The following ROBO1 variants were observed in gnomAD, a reference collection of about 807,000 sequenced individuals.
ROBO1 encodes the protein roundabout guidance receptor 1, also known as roundabout homolog 1.
ROBO1 carries 149 observed loss-of-function variants against 195.9 expected under a neutral mutation model. That is an observed-to-expected ratio of 0.76 (90% CI 0.67 to 0.87). The LOEUF is 0.87. Among genes scored for constraint, ROBO1 ranks in the 40% least tolerant of loss-of-function variants. The pLI is 0.00. For synonymous variants in ROBO1, 816 were observed against 733.2 expected (o/e 1.11, Z -1.82); for missense variants, 1,933 against 2,068.3 (o/e 0.93, Z 1.27).
chr3:78,600,336 G>C (rs142155138), intron 29 of ROBO1, 27 bp from the exon 30 acceptor site: 1 of 1,417,408 alleles, frequency 7.1e-7, no homozygotes, highest in African/African-American at 1.4e-5. Flanking sequence ...AATAAATGCA[G>C]GTGAGTACCA....
chr3:78,696,959 T>C (rs7622194), intron 8 of ROBO1, among the ~76,000 whole-genome samples: 38,419 of 151,500 alleles, frequency 0.25, 5,050 homozygotes, highest in African/African-American at 0.32. Context: ...GAAATCTTTA[T>C]ATGTTGAACG....
At chr3:79,493,644 T>C (rs200213374) in intron 2 of ROBO1, among the ~76,000 whole-genome samples, 218 of 152,124 alleles carry the variant, frequency 1.4e-3, no homozygotes, top group African/African-American at 5.1e-3. Context: ...TGATAAATAA[T>C]TTAAAAAATC....
intron 4 of ROBO1, among the ~76,000 whole-genome samples, chr3:78,783,765 A>G (rs566399217): frequency 1.3e-5 from 2 of 152,240 alleles, no homozygotes; most frequent in East Asian, 3.9e-4. Context: ...CACATCTCCC[A>G]AGGTTGCTTT....
intron 2 of ROBO1, among the ~76,000 whole-genome samples, chr3:79,432,218 G>C (rs964008565): frequency 6.6e-6 from 1 of 152,040 alleles, no homozygotes; most frequent in African/African-American, 2.4e-5. Flanking sequence ...ATCTCTTAGA[G>C]TGTCAAGACA....
chr3:79,149,991 T>A (rs1268252732), intron 2 of ROBO1, among the ~76,000 whole-genome samples: 1 of 151,620 alleles, frequency 6.6e-6, no homozygotes, highest in Non-Finnish European at 1.5e-5. Flanking sequence ...CTCCTGGAGG[T>A]AAAAATCATA....
intron 3 of ROBO1, among the ~76,000 whole-genome samples, chr3:79,110,624 T>C (rs2079868691): frequency 6.8e-6 from 1 of 148,064 alleles, no homozygotes; most frequent in Admixed American, 6.8e-5. Flanking sequence ...GAAATAACTT[T>C]TTTTTTTTTT....
intron 2 of ROBO1, among the ~76,000 whole-genome samples, chr3:79,303,851 G>A (rs1444240710): frequency 6.6e-6 from 1 of 151,986 alleles, no homozygotes; most frequent in Non-Finnish European, 1.5e-5. Flanking sequence ...GTGAGATCAT[G>A]CAGTACTTGT....
rs1289785256 is a variant in ROBO1 at position 78,597,843 on chromosome 3, C to CA, written c.*1069dup. 1 of 143,658 alleles carries CA rather than the reference C, an allele frequency of 7.0e-6. No homozygotes were observed. The highest frequency in any genetic ancestry group is 1.5e-5 in the Non-Finnish European group (1 of 66,448). 8.9% of individuals were successfully genotyped at this position (143,658 alleles called of 1,614,324 possible). A position where few individuals can be genotyped will look rare whatever the true frequency, so the allele number is the denominator to read the frequency against. ...TCCAAATACAAACATAGAGCATTAA[C>CA]AAAACAGGTTAAAAACGCTTCTCAA... On this transcript the variant is annotated 3_prime_UTR_variant, in exon 31 of 31. Transcript: ENST00000464233.
chr3:79,357,504 TA>T (rs2035604555), intron 2 of ROBO1, among the ~76,000 whole-genome samples: 1 of 152,140 alleles, frequency 6.6e-6, no homozygotes, highest in Non-Finnish European at 1.5e-5. Context: ...AATTTAGTTA[TA>T]ATTTCTACAA....
chr3:79,684,983 T>C (rs778688207), intron 1 of ROBO1, among the ~76,000 whole-genome samples: 2 of 152,114 alleles, frequency 1.3e-5, no homozygotes, highest in Non-Finnish European at 2.9e-5. Context: ...TAGTATAATG[T>C]GGCAACTCTG....
intron 3 of ROBO1, among the ~76,000 whole-genome samples, chr3:79,049,641 C>T (rs1242770887): frequency 6.6e-6 from 1 of 152,024 alleles, no homozygotes; most frequent in Non-Finnish European, 1.5e-5. Context: ...TTAAGGGCAG[C>T]CAGAGAGAAG....
At chr3:79,202,953 C>T (rs2081796111) in intron 2 of ROBO1, among the ~76,000 whole-genome samples, 1 of 152,104 alleles carries the variant, frequency 6.6e-6, no homozygotes, top group Non-Finnish European at 1.5e-5. Context: ...GTCCTCTACC[C>T]TCTCATCCAG....
chr3:79,157,772 A>C (rs1370184167), intron 2 of ROBO1, among the ~76,000 whole-genome samples: 2 of 151,944 alleles, frequency 1.3e-5, no homozygotes, highest in Non-Finnish European at 2.9e-5. Context: ...CTAGGTAACC[A>C]CAGATATATT....
chr3:79,366,585 T>G (rs1490286669), intron 2 of ROBO1, among the ~76,000 whole-genome samples: 1 of 152,144 alleles, frequency 6.6e-6, no homozygotes, highest in Non-Finnish European at 1.5e-5. Context: ...ATCGCCTCTC[T>G]TTTCTTGGCT....
chr3:78,922,605 CTTTTTTTT>C (rs565147879), intron 4 of ROBO1, among the ~76,000 whole-genome samples: 1 of 123,146 alleles, frequency 8.1e-6, no homozygotes, highest in African/African-American at 3.1e-5. Context: ...TCTTCTTCTT[CTTTTTTTT>C]TTTTTTTTTT....
At chr3:78,608,886 AAC>A (rs1373585122) in intron 28 of ROBO1, among the ~76,000 whole-genome samples, 1 of 152,182 alleles carries the variant, frequency 6.6e-6, no homozygotes, top group African/African-American at 2.4e-5. Flanking sequence ...TACAGAATGC[AAC>A]AAAAGGGAGA....
chr3:79,107,460 T>G (rs891369404), intron 3 of ROBO1, among the ~76,000 whole-genome samples: 3 of 151,710 alleles, frequency 2.0e-5, no homozygotes, highest in Non-Finnish European at 4.4e-5. Flanking sequence ...AATTACTTTT[T>G]GTATGTTGTT....
intron 3 of ROBO1, among the ~76,000 whole-genome samples, chr3:79,067,523 AG>A (rs1284514008): frequency 2.0e-5 from 3 of 152,104 alleles, no homozygotes; most frequent in African/African-American, 7.2e-5. Flanking sequence ...GACTTAGGGC[AG>A]CTTATTCAAC....
intron 8 of ROBO1, among the ~76,000 whole-genome samples, chr3:78,690,931 G>T (rs966646991): frequency 2.6e-5 from 4 of 152,138 alleles, no homozygotes; most frequent in Admixed American, 2.6e-4. Context: ...TTGAGAACAA[G>T]GAATACAAAC....
Sources: allele counts gnomAD v4.1 joint callset (sites outside exome capture counted in the v4.1 genomes callset), GRCh38; gene constraint gnomAD v4.1.1; transcripts MANE v1.5; gene names NCBI Gene and HGNC (gene_info 2026-07-23, HGNC 2026-07-21).